SLC26A5: variants seen among roughly 807,000 people sequenced by gnomAD.
The protein encoded by SLC26A5 is prestin.
Under a neutral mutation model 81.0 loss-of-function variants are expected in SLC26A5, and 51 were observed. The ratio of observed to expected loss-of-function variants is 0.63; its 90% CI spans 0.50 to 0.80. The LOEUF (loss-of-function observed/expected upper bound fraction) is 0.80. Among genes scored for constraint, SLC26A5 ranks in the 30% least tolerant of loss-of-function variants. SLC26A5 has a pLI of 0.00. For missense variants in SLC26A5, 771 were observed against 905.8 expected (o/e 0.85, Z 1.91); for synonymous variants, 325 against 332.8 (o/e 0.98, Z 0.25).
chr7:103,444,856 T>G, intron 1 of SLC26A5, among the ~76,000 whole-genome samples: 1 of 152,210 alleles, frequency 6.6e-6, no homozygotes, highest in Non-Finnish European at 1.5e-5. Context: ...TCTTCCCTCC[T>G]GTCCTTTGCC....
Position 103,379,053 on chromosome 7 carries a change from G to A in SLC26A5, c.1677+190C>T, listed in dbSNP as rs553617456. Among the ~76,000 whole-genome samples, 5 of 152,166 alleles carry A rather than the reference G, an allele frequency of 3.3e-5. No individual in the cohort carries two copies. In the East Asian group the frequency reaches 5.8e-4, roughly 18 times the overall value. ...TGCACAATGTTTATGTACTTAATGC[G>A]ACCCACTGGACTGTATACTTTGAAA... On this transcript the variant is annotated intron_variant, in intron 16 of 19. Coordinates refer to ENST00000306312, the MANE Select transcript of SLC26A5 (RefSeq NM_198999.3).
chr7:103,365,313 G>A (rs1820653298), intron 19 of SLC26A5, among the ~76,000 whole-genome samples: 1 of 152,008 alleles, frequency 6.6e-6, no homozygotes, highest in African/African-American at 2.4e-5. Context: ...GTGGACTGGG[G>A]AGCAAACTTC....
At chr7:103,437,139 A>G (rs2116845079) in intron 2 of SLC26A5, among the ~76,000 whole-genome samples, 1 of 152,360 alleles carries the variant, frequency 6.6e-6, no homozygotes, top group East Asian at 1.9e-4. Flanking sequence ...CAGAATAGAT[A>G]TTTCTCAAAA....
intron 19 of SLC26A5, among the ~76,000 whole-genome samples, chr7:103,360,227 C>G (rs1820301605): frequency 6.6e-6 from 1 of 152,044 alleles, no homozygotes; most frequent in Non-Finnish European, 1.5e-5. Flanking sequence ...CATCTCATAA[C>G]TTTTTGGTGA....
downstream of SLC26A5, among the ~76,000 whole-genome samples, chr7:103,372,856 C>G (rs930513315): frequency 1.1e-4 from 15 of 141,090 alleles, no homozygotes; most frequent in Non-Finnish European, 1.5e-4. Flanking sequence ...ACAAGACCAC[C>G]ATCACACCAG....
intron 7 of SLC26A5, among the ~76,000 whole-genome samples, chr7:103,408,452 C>G (rs955601278): frequency 1.3e-5 from 2 of 152,192 alleles, no homozygotes; most frequent in Non-Finnish European, 2.9e-5. Flanking sequence ...GTCTCGAACT[C>G]CTGACCTCAA....
chr7:103,441,114 C>T (rs76850911), intron 2 of SLC26A5, among the ~76,000 whole-genome samples: 5 of 152,060 alleles, frequency 3.3e-5, no homozygotes, highest in Non-Finnish European at 5.9e-5. Flanking sequence ...TAAGACTAAT[C>T]GAGAAAGAAA....
intron 5 of SLC26A5, 114 bp from the exon 6 acceptor site, chr7:103,411,700 T>C: frequency 1.7e-6 from 2 of 1,167,296 alleles, no homozygotes; most frequent in Non-Finnish European, 2.5e-6. Flanking sequence ...GAAGGAAGGC[T>C]ACGCTCCCTT....
At chr7:103,380,685 A>C in intron 14 of SLC26A5, 136 bp from the exon 15 acceptor site, 1 of 757,246 alleles carries the variant, frequency 1.3e-6, no homozygotes, top group Non-Finnish European at 2.3e-6. Flanking sequence ...GTGCCTTTGC[A>C]GAAGGGCTCC....
At position 103,390,441 on chromosome 7, in the gene SLC26A5, T is replaced by C; in HGVS notation, c.1299A>G (p.Glu433=). ...ACATTACACACACCTGGGGCAATGATTCAAAGAGGAATCCAGTTGCTAATA... is the reference window on the plus strand; with the variant it reads ...ACATTACACACACCTGGGGCAATGACTCAAAGAGGAATCCAGTTGCTAATA... ...LVILATGFLF[E]SLPQAVLSAI... The change falls in exon 12 of 20, where the codon GAA becomes GAG. Residue 433 remains glutamate (E), a synonymous_variant. Transcript: ENST00000306312. 1 of 1,614,104 alleles carries C rather than the reference T, an allele frequency of 6.2e-7. No homozygotes were observed. Among genetic ancestry groups the C allele is most frequent in the South Asian group, 1.1e-5 (1 of 91,076 alleles).
intron 19 of SLC26A5, among the ~76,000 whole-genome samples, chr7:103,356,860 A>G (rs1352421624): frequency 6.6e-6 from 1 of 152,178 alleles, no homozygotes; most frequent in Non-Finnish European, 1.5e-5. Flanking sequence ...GGCTATAAAC[A>G]TATTCTCCTC....
intron 19 of SLC26A5, among the ~76,000 whole-genome samples, chr7:103,357,187 G>A (rs1820083039): frequency 6.6e-6 from 1 of 152,050 alleles, no homozygotes. Context: ...TTAACTGGGT[G>A]TGGTGGCGGG....
intron 8 of SLC26A5, among the ~76,000 whole-genome samples, chr7:103,398,602 C>T (rs1454725788): frequency 6.6e-6 from 1 of 152,138 alleles, no homozygotes; most frequent in Non-Finnish European, 1.5e-5. Flanking sequence ...CCTGGATTGG[C>T]AGGGCATAGA....
intron 2 of SLC26A5, among the ~76,000 whole-genome samples, chr7:103,428,148 T>C (rs1825828562): frequency 1.3e-5 from 2 of 152,170 alleles, no homozygotes; most frequent in Admixed American, 6.5e-5. Flanking sequence ...CCACTATGCC[T>C]GGCCCCGTCT....
intron 11 of SLC26A5, 104 bp downstream of exon 11, chr7:103,391,518 T>C (rs1441960182): frequency 1.1e-6 from 1 of 890,780 alleles, no homozygotes; most frequent in African/African-American, 1.7e-5. Context: ...GGAGCATGGA[T>C]CTGCAGGCCA....
chr7:103,392,419 G>A (rs866279719), intron 10 of SLC26A5, among the ~76,000 whole-genome samples: 3 of 152,040 alleles, frequency 2.0e-5, no homozygotes, highest in African/African-American at 4.8e-5. Context: ...GAGCAAAAAC[G>A]CCCTGGAAAA....
chr7:103,387,464 G>A (rs1293483781), intron 14 of SLC26A5, among the ~76,000 whole-genome samples: 1 of 152,210 alleles, frequency 6.6e-6, no homozygotes, highest in African/African-American at 2.4e-5. Context: ...GTTAGAGCGG[G>A]AAGGGCACTG....
At chr7:103,361,615 T>A (rs1399690741) in intron 19 of SLC26A5, among the ~76,000 whole-genome samples, 2 of 150,128 alleles carry the variant, frequency 1.3e-5, no homozygotes, top group East Asian at 3.9e-4. Flanking sequence ...AAGATGACCA[T>A]CTTTTTGTAG....
At chr7:103,364,938 T>C (rs115809672) in intron 19 of SLC26A5, among the ~76,000 whole-genome samples, 5,696 of 132,246 alleles carry the variant, frequency 0.043, 162 homozygotes, top group African/African-American at 0.084. Context: ...ACATAGGTTG[T>C]TTTTATGTTT....
Sources: gnomAD v4.1 joint callset for allele counts (sites outside exome capture counted in the v4.1 genomes callset) on GRCh38, gnomAD v4.1.1 for gene constraint, MANE v1.5 for transcripts, NCBI Gene and HGNC (gene_info 2026-07-23, HGNC 2026-07-21) for gene names.